SLC17A6: variants seen among roughly 807,000 people sequenced by gnomAD.
The protein encoded by SLC17A6 is vesicular glutamate transporter 2.
Under a neutral mutation model 67.1 loss-of-function variants are expected in SLC17A6, and 35 were observed. The ratio of observed to expected loss-of-function variants is 0.52; its 90% CI spans 0.40 to 0.69. SLC17A6 has a LOEUF of 0.69. Ranked by LOEUF, SLC17A6 falls within the 30% of genes least tolerant of loss-of-function variation. The pLI, the probability that SLC17A6 is intolerant of heterozygous loss-of-function variation, is 0.00. For missense variants in SLC17A6, 588 were observed against 723.9 expected (o/e 0.81, Z 2.15); for synonymous variants, 285 against 252.3 (o/e 1.13, Z -1.23).
chr11:22,369,537 GGTA>G (rs1390624289), intron 7 of SLC17A6, among the ~76,000 whole-genome samples: 1 of 151,780 alleles, frequency 6.6e-6, no homozygotes, highest in South Asian at 2.1e-4. Flanking sequence ...TAGATTGATT[GGTA>G]GTAGAATAAT....
At position 22,366,136 on chromosome 11, in the gene SLC17A6, T is replaced by C. The variant is rs114564652; in HGVS notation, c.891+447T>C. ...GGTTGCTACCGAACCCTACATATAATGTTTTTCCTATACATACATACCTAT... is the reference window on the plus strand; with the variant it reads ...GGTTGCTACCGAACCCTACATATAACGTTTTTCCTATACATACATACCTAT... On this transcript the variant is annotated intron_variant, in intron 7 of 11. Transcript: ENST00000263160. Among the ~76,000 whole-genome samples the C allele has an allele frequency of 6.8e-3, 1,042 of 152,242 alleles. 18 individuals carry two copies. Among genetic ancestry groups the C allele is most frequent in the African/African-American group, 0.024 (985 of 41,532 alleles).
rs199900308 is a variant in SLC17A6 at position 22,343,244 on chromosome 11, T to C, written c.340-3T>C. On this transcript the variant is annotated splice_polypyrimidine_tract_variant and splice_region_variant and intron_variant, in intron 2 of 11. Coordinates refer to ENST00000263160, the MANE Select transcript of SLC17A6 (RefSeq NM_020346.3). ...TTCACACTTTTTTCCTACCCCTCCATAGAAAGCCAAATTCAACTGGGACCC... is the reference window on the plus strand; with the variant it reads ...TTCACACTTTTTTCCTACCCCTCCACAGAAAGCCAAATTCAACTGGGACCC... The C allele has an allele frequency of 4.4e-5, 71 of 1,613,230 alleles. No individual in the cohort carries two copies. The African/African-American group carries it at 8.7e-4, about 20-fold the overall frequency.
intron 5 of SLC17A6, 117 bp from the exon 6 acceptor site, chr11:22,362,622 G>T: frequency 1.3e-6 from 1 of 772,948 alleles, no homozygotes; most frequent in South Asian, 1.5e-5. Context: ...GCATGGGTGT[G>T]AGGCCCATGT....
chr11:22,354,885 T>C (rs1406004138), intron 3 of SLC17A6, among the ~76,000 whole-genome samples: 1 of 152,194 alleles, frequency 6.6e-6, no homozygotes, highest in Non-Finnish European at 1.5e-5. Context: ...AACAATTCAA[T>C]AACAATTGAC....
chr11:22,347,775 T>G (rs1002756522), intron 3 of SLC17A6, among the ~76,000 whole-genome samples: 1 of 152,214 alleles, frequency 6.6e-6, no homozygotes, highest in African/African-American at 2.4e-5. Context: ...GTGCTAATGA[T>G]TCAGTACATC....
intron 3 of SLC17A6, among the ~76,000 whole-genome samples, chr11:22,356,467 T>C (rs1380558069): frequency 6.6e-6 from 1 of 152,150 alleles, no homozygotes; most frequent in Non-Finnish European, 1.5e-5. Context: ...GTTTGATGGA[T>C]TCTTAACTAG....
chr11:22,341,564 C>A lies in SLC17A6; in HGVS notation c.123C>A (p.Ile41=), dbSNP rs769304998. The change falls in exon 2 of 12, where the codon ATC becomes ATA. Residue 41 remains isoleucine (I), a synonymous_variant. Transcript: ENST00000263160. ...AGAAGCAAGACACCGGGGAGACAAT[C>A]GAGCTGACGGAGGATGGGAAGCCCC... is the stretch of plus-strand genomic sequence containing the variant. ...LEKKQDTGET[I]ELTEDGKPLE... The A allele has an allele frequency of 1.5e-5, 24 of 1,613,992 alleles. No individual in the cohort carries two copies. The highest frequency in any genetic ancestry group is 8.3e-5 in the Admixed American group (5 of 60,028).
chr11:22,375,841 A>G, intron 9 of SLC17A6, 141 bp from the exon 10 acceptor site: 2 of 534,658 alleles, frequency 3.7e-6, no homozygotes, highest in South Asian at 6.3e-5. Flanking sequence ...TATTATGATT[A>G]TTATGATTAT....
chr11:22,360,532 C>A (rs80302319), intron 4 of SLC17A6, among the ~76,000 whole-genome samples: 3 of 139,450 alleles, frequency 2.2e-5, no homozygotes, highest in East Asian at 2.7e-4. Context: ...TCCTTCCCCC[C>A]CCCCCAAAAA....
Position 22,370,184 on chromosome 11 carries a change from G to C in SLC17A6, c.1037G>C (p.Ser346Thr), listed in dbSNP as rs1285433031. 1 of 1,603,850 alleles carries C rather than the reference G, an allele frequency of 6.2e-7. No homozygotes were observed. The highest frequency in any genetic ancestry group is 8.5e-7 in the Non-Finnish European group (1 of 1,176,472). ...GAGGAAGTCTTTGGATTTGAAATTA[G>C]CAAGGTATGTAAAATGTATTCTTAT... ...YFEEVFGFEI[S>T]KVGMLSAVPH... The change falls in exon 8 of 12, where the codon AGC becomes ACC. Residue 346 changes from serine to threonine, a missense_variant. By Grantham distance (58) the Ser-to-Thr change is moderately conservative. Coordinates refer to ENST00000263160, the MANE Select transcript of SLC17A6 (RefSeq NM_020346.3).
intron 4 of SLC17A6, among the ~76,000 whole-genome samples, chr11:22,360,106 G>A (rs1246894331): frequency 1.6e-5 from 2 of 128,348 alleles, no homozygotes; most frequent in Non-Finnish European, 1.6e-5. Context: ...AAATATTAAG[G>A]CACTAAAAAA....
intron 6 of SLC17A6, among the ~76,000 whole-genome samples, chr11:22,363,496 T>C (rs1856075356): frequency 6.6e-6 from 1 of 152,360 alleles, no homozygotes; most frequent in South Asian, 2.1e-4. Flanking sequence ...AAAGGAAAGC[T>C]GGATCCCAAC....
intron 8 of SLC17A6, among the ~76,000 whole-genome samples, chr11:22,371,578 C>T (rs764021): frequency 0.63 from 95,695 of 151,082 alleles, 30,535 homozygotes; most frequent in African/African-American, 0.69. Flanking sequence ...AATATGATAC[C>T]GACAGGCTAT....
intron 5 of SLC17A6, 80 bp downstream of exon 5, chr11:22,361,064 T>C (rs1856047044): frequency 1.7e-6 from 2 of 1,209,578 alleles, no homozygotes. Flanking sequence ...TTTGGTAAAC[T>C]CACCTGTAAA....
At chr11:22,342,300 G>T (rs1032076602) in intron 2 of SLC17A6, among the ~76,000 whole-genome samples, 14 of 152,258 alleles carry the variant, frequency 9.2e-5, no homozygotes, top group African/African-American at 3.4e-4. Context: ...CAGGGTGGCA[G>T]GGAGTCGCGC....
At chr11:22,345,278 T>C (rs1466177285) in intron 3 of SLC17A6, among the ~76,000 whole-genome samples, 1 of 151,762 alleles carries the variant, frequency 6.6e-6, no homozygotes, top group Non-Finnish European at 1.5e-5. Context: ...TGATGCTGAC[T>C]CAGGTTCTAA....
chr11:22,372,283 A>G (rs1856182325), intron 8 of SLC17A6, among the ~76,000 whole-genome samples: 1 of 151,452 alleles, frequency 6.6e-6, no homozygotes, highest in South Asian at 2.1e-4. Flanking sequence ...GTTAACTGAG[A>G]TATACATATA....
At chr11:22,362,413 G>C in intron 5 of SLC17A6, 1 of 377,342 alleles carries the variant, frequency 2.7e-6, no homozygotes, top group Non-Finnish European at 5.1e-6. Flanking sequence ...TGTCTGGTTA[G>C]TATTGCCATA....
At chr11:22,370,883 A>AG (rs1420401771) in intron 8 of SLC17A6, among the ~76,000 whole-genome samples, 1 of 152,142 alleles carries the variant, frequency 6.6e-6, no homozygotes, top group Non-Finnish European at 1.5e-5. Flanking sequence ...ATTTTCTATG[A>AG]GGATAAAATG....
Sources: allele counts gnomAD v4.1 joint callset (sites outside exome capture counted in the v4.1 genomes callset), GRCh38; gene constraint gnomAD v4.1.1; transcripts MANE v1.5; gene names NCBI Gene and HGNC (gene_info 2026-07-23, HGNC 2026-07-21).